The following SSH2 variants were observed in gnomAD, a reference collection of about 807,000 sequenced individuals.
SSH2 encodes slingshot protein phosphatase 2, also known as protein phosphatase Slingshot homolog 2.
Under a neutral mutation model 135.2 loss-of-function variants are expected in SSH2, and 37 were observed. That is an observed-to-expected ratio of 0.27 (90% CI 0.21 to 0.36). The LOEUF is 0.36. Among genes scored for constraint, SSH2 ranks in the 10% least tolerant of loss-of-function variants. The pLI, the probability that SSH2 is intolerant of heterozygous loss-of-function variation, is 1.00. For missense variants in SSH2, 1,408 were observed against 1,765.3 expected, an observed-to-expected ratio of 0.80 and a Z score of 3.63; for synonymous variants, 628 against 646.2, an observed-to-expected ratio of 0.97 and a Z score of 0.43.
At chr17:29,802,634 A>G (rs573147628) in intron 2 of SSH2, among the ~76,000 whole-genome samples, 26 of 151,312 alleles carry the variant, frequency 1.7e-4, no homozygotes, top group African/African-American at 4.1e-4. Context: ...AAAAAAAAAA[A>G]AAAAGAAAAG....
At chr17:29,746,462 C>T (rs1212417165) in intron 3 of SSH2, among the ~76,000 whole-genome samples, 1 of 145,746 alleles carries the variant, frequency 6.9e-6, no homozygotes, top group South Asian at 2.2e-4. Flanking sequence ...GCAGGAGAAT[C>T]CCTTGAACCC....
At chr17:29,885,830 C>T (rs904423012) in intron 1 of SSH2, among the ~76,000 whole-genome samples, 2 of 152,172 alleles carry the variant, frequency 1.3e-5, no homozygotes, top group African/African-American at 4.8e-5. Context: ...GGCTCTCTTG[C>T]CTGCCGCCAT....
At chr17:29,888,931 C>CAAAAAAAAAAA (rs1175371440) in intron 1 of SSH2, among the ~76,000 whole-genome samples, 3 of 42,080 alleles carry the variant, frequency 7.1e-5, no homozygotes, top group African/African-American at 1.2e-4. Flanking sequence ...GACACTATCT[C>CAAAAAAAAAAA]AAAAAAAAAA....
At chr17:29,728,823 T>C (rs1261639899) in intron 3 of SSH2, among the ~76,000 whole-genome samples, 1 of 152,204 alleles carries the variant, frequency 6.6e-6, no homozygotes, top group Non-Finnish European at 1.5e-5. Flanking sequence ...CAATAAATGA[T>C]GTCAGAAATA....
intron 1 of SSH2, among the ~76,000 whole-genome samples, chr17:29,905,583 T>C (rs2066638506): frequency 6.6e-6 from 1 of 152,206 alleles, no homozygotes; most frequent in African/African-American, 2.4e-5. Context: ...GGCTTCTCCC[T>C]GCTGTCCACA....
intron 1 of SSH2, 71 bp from the exon 2 acceptor site, chr17:29,849,000 T>C (rs2065496956): frequency 3.1e-6 from 3 of 974,302 alleles, no homozygotes; most frequent in Non-Finnish European, 4.7e-6. Context: ...AAAAGCAAGC[T>C]GAAATCACTG....
intron 2 of SSH2, among the ~76,000 whole-genome samples, chr17:29,839,372 G>A (rs1223621224): frequency 6.6e-6 from 1 of 152,204 alleles, no homozygotes; most frequent in East Asian, 1.9e-4. Context: ...GGGCAAAGGC[G>A]CCATTGGCCA....
intron 3 of SSH2, among the ~76,000 whole-genome samples, chr17:29,784,065 CAAAAA>C (rs71138857): frequency 0.046 from 373 of 8,196 alleles, 3 homozygotes; most frequent in African/African-American, 0.13. Flanking sequence ...GACTCCGTCT[CAAAAA>C]AAAAAAAAAA....
At chr17:29,672,156 C>T (rs202059517) in intron 8 of SSH2, 27 bp from the exon 9 acceptor site, 39 of 1,593,802 alleles carry the variant, frequency 2.4e-5, no homozygotes, top group Non-Finnish European at 1.7e-6. Context: ...GAAATGAGCA[C>T]CATAGAACTG....
chr17:29,866,102 C>CAAAAAAAAAA (rs34216701), intron 1 of SSH2: 1 of 113,710 alleles, frequency 8.8e-6, no homozygotes, highest in African/African-American at 3.4e-5. Context: ...AACTCCATCT[C>CAAAAAAAAAA]AAAAAAAAAA....
intron 2 of SSH2, among the ~76,000 whole-genome samples, chr17:29,841,892 AT>A (rs770836134): frequency 6.6e-4 from 66 of 99,642 alleles, no homozygotes; most frequent in African/African-American, 1.4e-3. Context: ...CCCTTGGCTA[AT>A]TTTTTTTTTT....
chr17:29,656,921 T>G (rs938274006), intron 11 of SSH2, among the ~76,000 whole-genome samples: 1 of 152,218 alleles, frequency 6.6e-6, no homozygotes, highest in Non-Finnish European at 1.5e-5. Context: ...GTCCTTTATA[T>G]TTACTCAATC....
At chr17:29,853,105 T>C (rs1406024292) in intron 1 of SSH2, among the ~76,000 whole-genome samples, 9 of 149,526 alleles carry the variant, frequency 6.0e-5, no homozygotes, top group African/African-American at 2.0e-4. Flanking sequence ...TTTTTTTTTT[T>C]CCAGAGTCTC....
In SSH2 at chr17:29,688,623, C is replaced by T. The variant is rs2038330992; in HGVS notation, c.358-3939G>A. ...GGGACCACAAGTGCCCGCCACCATG[C>T]TTGGCTAATTTTTTGTATCTTTGGT... On this transcript the variant is annotated intron_variant, in intron 5 of 15. Transcript: ENST00000540801. Among the ~76,000 whole-genome samples the T allele has an allele frequency of 1.3e-5, 2 of 151,998 alleles. 1 individual carries two copies. Among genetic ancestry groups the T allele is most frequent in the South Asian group, 4.2e-4 (2 of 4,816 alleles).
Position 29,632,442 on chromosome 17 carries a change from T to A in SSH2, c.2752A>T (p.Thr918Ser), listed in dbSNP as rs1446107011. 8 of 1,614,158 alleles carry A rather than the reference T, an allele frequency of 5.0e-6. No individual in the cohort carries two copies. Among genetic ancestry groups the A allele is most frequent in the Non-Finnish European group, 5.9e-6 (7 of 1,180,028 alleles). ...QEHHGAAPTC[T>S]SLSTRKNSKN... ...GAATTCTTACGAGTGGACAATGAGG[T>A]ACATGTTGGGGCAGCACCATGATGC... Residue 918 changes from threonine to serine, a missense_variant, in exon 16 of 16, where the codon ACC becomes TCC. Physicochemically the swap from Thr to Ser is moderately conservative, Grantham distance 58 (BLOSUM62 1). Transcript: ENST00000540801.
chr17:29,638,016 A>G (rs2150974574), intron 14 of SSH2, among the ~76,000 whole-genome samples: 1 of 152,020 alleles, frequency 6.6e-6, no homozygotes, highest in East Asian at 1.9e-4. Flanking sequence ...CGGGAGGCTG[A>G]GACAGGAGAA....
intron 5 of SSH2, among the ~76,000 whole-genome samples, chr17:29,684,996 T>C (rs2038153576): frequency 6.6e-6 from 1 of 152,220 alleles, no homozygotes; most frequent in Non-Finnish European, 1.5e-5. Flanking sequence ...GTGCAATTTA[T>C]ACTAATTACC....
At chr17:29,681,781 C>T (rs1848762818) in intron 6 of SSH2, among the ~76,000 whole-genome samples, 3 of 152,142 alleles carry the variant, frequency 2.0e-5, no homozygotes, top group Admixed American at 6.6e-5. Flanking sequence ...TGGCTTAATA[C>T]TATTTTGAAG....
At position 29,759,588 on chromosome 17, in the gene SSH2, A is replaced by T. The variant is rs537522591; in HGVS notation, c.188+34306T>A. On this transcript the variant is annotated intron_variant, in intron 3 of 15. Coordinates refer to ENST00000540801, the MANE Select transcript of SSH2 (RefSeq NM_001282129.2). ...CAAATTTCCTACCCCTTCTCCTTCAACCCCTAGCAACTACCATTCTACTTT... is the reference window on the plus strand; with the variant it reads ...CAAATTTCCTACCCCTTCTCCTTCATCCCCTAGCAACTACCATTCTACTTT... Among the ~76,000 whole-genome samples the T allele has an allele frequency of 1.7e-4, 26 of 152,050 alleles. No individual in the cohort carries two copies. The South Asian group carries it at 2.5e-3, about 15-fold the overall frequency.
Sources: allele counts gnomAD v4.1 joint callset (sites outside exome capture counted in the v4.1 genomes callset), GRCh38; gene constraint gnomAD v4.1.1; transcripts MANE v1.5; gene names NCBI Gene and HGNC (gene_info 2026-07-23, HGNC 2026-07-21).